The following AP1G1 variants were observed in gnomAD, a reference collection of about 807,000 sequenced individuals.
AP1G1 encodes the protein AP-1 complex subunit gamma-1.
AP1G1 carries 7 observed loss-of-function variants against 108.3 expected under a neutral mutation model. That is an observed-to-expected ratio of 0.06 (90% CI 0.04 to 0.12). AP1G1 has a LOEUF of 0.12. Ranked by LOEUF, AP1G1 falls within the 10% of genes least tolerant of loss-of-function variation. The probability of loss-of-function intolerance (pLI) is 1.00; values close to 1 mark genes in which losing one functional copy is unlikely to be tolerated. For synonymous variants in AP1G1, 379 were observed against 353.5 expected (o/e 1.07, Z -0.81); for missense variants, 756 against 1,010.7 (o/e 0.75, Z 3.42).
In AP1G1 at chr16:71,789,268, G is replaced by C; in HGVS notation, c.201+11C>G. ...AATACCCTTGCTACATGTAGTCTCAGCCCAGCCTACCTGTCCAAAGTGAGC... is the reference window on the plus strand; with the variant it reads ...AATACCCTTGCTACATGTAGTCTCACCCCAGCCTACCTGTCCAAAGTGAGC... On this transcript the variant is annotated intron_variant, in intron 2 of 22. Coordinates refer to ENST00000299980, the MANE Select transcript of AP1G1 (RefSeq NM_001128.6). 3 of 1,610,958 alleles carry C rather than the reference G, an allele frequency of 1.9e-6. No individual in the cohort carries two copies. Among genetic ancestry groups the C allele is most frequent in the Non-Finnish European group, 2.5e-6 (3 of 1,178,386 alleles).
intron 1 of AP1G1, among the ~76,000 whole-genome samples, chr16:71,793,366 C>A (rs2032471317): frequency 6.6e-6 from 1 of 152,126 alleles, no homozygotes; most frequent in South Asian, 2.1e-4. Context: ...GATAGAAGTC[C>A]TCATTCAGCC....
intron 22 of AP1G1, among the ~76,000 whole-genome samples, chr16:71,734,243 CTA>C (rs550036312): frequency 6.6e-6 from 1 of 152,164 alleles, no homozygotes; most frequent in Non-Finnish European, 1.5e-5. Context: ...TAAAATGCCT[CTA>C]TTTTTCTATT....
chr16:71,803,923 CAAAAAAAAAA>C (rs534074123), intron 1 of AP1G1, among the ~76,000 whole-genome samples: 1 of 73,678 alleles, frequency 1.4e-5, no homozygotes, highest in African/African-American at 4.6e-5. Context: ...GACTCCGTCT[CAAAAAAAAAA>C]AAAAAAAAGA....
At chr16:71,808,411 G>C in intron 1 of AP1G1, 1 of 1,097,064 alleles carries the variant, frequency 9.1e-7, no homozygotes, top group Non-Finnish European at 1.2e-6. Flanking sequence ...GAAGACACGC[G>C]GGGGTGGGGC....
Position 71,732,998 on chromosome 16 carries a change from A to G in AP1G1, c.*60T>C. ...TGGGGGGGACTTGCCAGCAATCACA[A>G]CCTCCTTCCCAGAGTTCCTTTGATT... is the stretch of plus-strand genomic sequence containing the variant. On this transcript the variant is annotated 3_prime_UTR_variant, in exon 23 of 23. Transcript: ENST00000299980. The G allele has an allele frequency of 1.4e-6, 2 of 1,414,124 alleles. No homozygotes were observed. Among genetic ancestry groups the G allele is most frequent in the Non-Finnish European group, 2.0e-6 (2 of 1,009,658 alleles). 87.6% of individuals were successfully genotyped at this position (1,414,124 alleles called of 1,614,324 possible). A position where few individuals can be genotyped will look rare whatever the true frequency, so the allele number is the denominator to read the frequency against.
At chr16:71,803,457 T>C (rs1298745212) in intron 1 of AP1G1, among the ~76,000 whole-genome samples, 1 of 152,150 alleles carries the variant, frequency 6.6e-6, no homozygotes, top group African/African-American at 2.4e-5. Flanking sequence ...ATCCTAAACC[T>C]TGCCCTTTTA....
chr16:71,741,357 T>C (rs1046108113), intron 19 of AP1G1, among the ~76,000 whole-genome samples: 1 of 151,618 alleles, frequency 6.6e-6, no homozygotes, highest in East Asian at 1.9e-4. Context: ...TCGAGGCGGG[T>C]GGATCACCTG....
chr16:71,732,873 G>A lies in AP1G1; in HGVS notation c.*185C>T. 3.7e-6 allele frequency: 2 copies of A among 545,582 alleles called. No individual in the cohort carries two copies. Among genetic ancestry groups the A allele is most frequent in the Non-Finnish European group, 6.5e-6 (2 of 308,374 alleles). The allele number at this position is 545,582 out of a possible 1,614,324, so 33.8% of individuals were successfully genotyped here. ...AGAAGCAGCCAGCCTCAACAGTGGA[G>A]GAGAGGACATTAGTCTTTAACAATG... On this transcript the variant is annotated 3_prime_UTR_variant, in exon 23 of 23. Transcript: ENST00000299980.
chr16:71,778,679 T>C (rs1379483195), intron 2 of AP1G1, among the ~76,000 whole-genome samples: 1 of 49,322 alleles, frequency 2.0e-5, no homozygotes, highest in Admixed American at 2.9e-4. Flanking sequence ...TGAGATTCTG[T>C]CTTAAAAAAA....
intron 2 of AP1G1, among the ~76,000 whole-genome samples, chr16:71,777,994 G>T (rs577118302): frequency 6.6e-6 from 1 of 152,320 alleles, no homozygotes; most frequent in African/African-American, 2.4e-5. Context: ...GTCACACTAA[G>T]TCACCAGTGA....
intron 1 of AP1G1, among the ~76,000 whole-genome samples, chr16:71,807,599 G>A (rs1016646964): frequency 6.6e-6 from 1 of 152,166 alleles, no homozygotes; most frequent in Non-Finnish European, 1.5e-5. Flanking sequence ...AGTATTCTAG[G>A]GAACGGTGGA....
Position 71,771,146 on chromosome 16 carries a change from A to G in AP1G1, c.565+10T>C. 1 of 1,541,506 alleles carries G rather than the reference A, an allele frequency of 6.5e-7. No homozygotes were observed. The highest frequency in any genetic ancestry group is 8.9e-7 in the Non-Finnish European group (1 of 1,117,430). ...CTCAATACTTCATGAATACATCCAA[A>G]TTACATTACCATGGTTCTTCTCATT... is the stretch of plus-strand genomic sequence containing the variant. On this transcript the variant is annotated intron_variant, in intron 5 of 22. Transcript: ENST00000299980.
intron 7 of AP1G1, among the ~76,000 whole-genome samples, chr16:71,764,941 A>C (rs1442300719): frequency 6.6e-6 from 1 of 152,236 alleles, no homozygotes; most frequent in East Asian, 1.9e-4. Context: ...AGTTATTATA[A>C]AACAACCCAC....
At chr16:71,739,165 T>A (rs1170584826) in intron 20 of AP1G1, 63 bp from the exon 21 acceptor site, 3 of 1,609,992 alleles carry the variant, frequency 1.9e-6, no homozygotes, top group Admixed American at 1.7e-5. Context: ...AATTATTACT[T>A]CTTTTTCTTA....
chr16:71,797,443 T>C (rs927807212), intron 1 of AP1G1, among the ~76,000 whole-genome samples: 1 of 152,216 alleles, frequency 6.6e-6, no homozygotes, highest in East Asian at 1.9e-4. Context: ...TAAGGTGTCA[T>C]TCATTCCAGA....
rs769950920 is a variant in AP1G1 at position 71,739,215 on chromosome 16, G to C, written c.2107+19C>G. ...TTACTCAGTGCTCCATGTAATGATG[G>C]TAACAACAGTCATCGTACCTGCAGC... On this transcript the variant is annotated intron_variant, in intron 20 of 22. Transcript: ENST00000299980. The C allele has an allele frequency of 1.2e-6, 2 of 1,609,460 alleles. No homozygotes were observed. The highest frequency in any genetic ancestry group is 1.7e-5 in the Admixed American group (1 of 59,698).
chr16:71,800,964 C>T (rs1321757516), intron 1 of AP1G1, among the ~76,000 whole-genome samples: 1 of 152,022 alleles, frequency 6.6e-6, no homozygotes, highest in African/African-American at 2.4e-5. Flanking sequence ...CATTGCACTC[C>T]AGCCTGGGCA....
At chr16:71,778,548 C>G (rs1489221314) in intron 2 of AP1G1, among the ~76,000 whole-genome samples, 1 of 151,746 alleles carries the variant, frequency 6.6e-6, no homozygotes. Flanking sequence ...CCAGGCGTAG[C>G]GGCGTGAGCC....
chr16:71,806,701 T>C (rs1193583629), intron 1 of AP1G1: 1 of 1,288,848 alleles, frequency 7.8e-7, no homozygotes, highest in Non-Finnish European at 1.0e-6. Context: ...GAGTGAGCAT[T>C]ACATAGGTGT....
Sources: allele counts gnomAD v4.1 joint callset (sites outside exome capture counted in the v4.1 genomes callset), GRCh38; gene constraint gnomAD v4.1.1; transcripts MANE v1.5; gene names NCBI Gene and HGNC (gene_info 2026-07-23, HGNC 2026-07-21).